TXNDC9: variants seen among roughly 807,000 people sequenced by gnomAD.
The protein encoded by TXNDC9 is thioredoxin domain containing 9.
In TXNDC9, 7 loss-of-function variants were observed where a neutral mutation model predicts 23.0. That is an observed-to-expected ratio of 0.30 (90% confidence interval 0.17 to 0.57). The LOEUF (loss-of-function observed/expected upper bound fraction) is 0.57. Among genes scored for constraint, TXNDC9 ranks in the 20% least tolerant of loss-of-function variants. The pLI is 0.90. For missense variants in TXNDC9, 198 were observed against 252.6 expected (o/e 0.78, Z 1.47); for synonymous variants, 72 against 90.6 (o/e 0.79, Z 1.17).
intron 3 of TXNDC9, among the ~76,000 whole-genome samples, chr2:99,326,574 T>G (rs1434323937): frequency 6.6e-6 from 1 of 152,248 alleles, no homozygotes; most frequent in Non-Finnish European, 1.5e-5. Flanking sequence ...TGGCAACTAA[T>G]CAAATCTGTG....
chr2:99,335,620 G>C (rs2094237277), intron 1 of TXNDC9, among the ~76,000 whole-genome samples: 1 of 152,184 alleles, frequency 6.6e-6, no homozygotes, highest in African/African-American at 2.4e-5. Flanking sequence ...CTCAGTGAGG[G>C]GGCTGGAAGG....
chr2:99,336,165 G>C (rs928708103), intron 1 of TXNDC9, 74 bp downstream of exon 1: 3 of 975,810 alleles, frequency 3.1e-6, no homozygotes, highest in African/African-American at 3.5e-5. Flanking sequence ...CCTCCGCTCC[G>C]GATGTGGAGC....
intron 3 of TXNDC9, among the ~76,000 whole-genome samples, chr2:99,323,094 A>G (rs865930015): frequency 1.3e-5 from 2 of 151,968 alleles, no homozygotes; most frequent in East Asian, 1.9e-4. Context: ...CCATCTTCCA[A>G]TGAAGACGGA....
rs992420918 is a variant in TXNDC9, at chr2:99,336,171, G to A, written c.-33+68C>T. 5 of 980,314 alleles carry A rather than the reference G, an allele frequency of 5.1e-6. No individual in the cohort carries two copies. In the African/African-American group the frequency reaches 7.0e-5, roughly 14 times the overall value. 60.7% of individuals were successfully genotyped at this position (980,314 alleles called of 1,614,324 possible). A position where few individuals can be genotyped will look rare whatever the true frequency, so the allele number is the denominator to read the frequency against. On this transcript the variant is annotated intron_variant, in intron 1 of 4. Transcript: ENST00000264255. ...CGCGCCCCTCCTCCGCTCCGGATGTGGAGCAGCAGAATGTTCACCAGCACC... is the reference window on the plus strand; with the variant it reads ...CGCGCCCCTCCTCCGCTCCGGATGTAGAGCAGCAGAATGTTCACCAGCACC...
At chr2:99,315,331 C>T (rs952444288), downstream of TXNDC9, among the ~76,000 whole-genome samples, 2 of 152,206 alleles carry the variant, frequency 1.3e-5, no homozygotes, top group Admixed American at 6.5e-5. Flanking sequence ...TCCCAAAGTG[C>T]TGGAATTACA....
At chr2:99,322,488 GTT>G in intron 3 of TXNDC9, 1 of 1,397,688 alleles carries the variant, frequency 7.2e-7, no homozygotes, top group Non-Finnish European at 9.4e-7. Flanking sequence ...CATAAAGGAA[GTT>G]GTCCTATCTC....
At chr2:99,310,813 C>G in the TXNDC9 span, among the ~76,000 whole-genome samples, 2 of 152,146 alleles carry the variant, frequency 1.3e-5, no homozygotes, top group African/African-American at 4.8e-5. Flanking sequence ...TTTTAAGCCA[C>G]CAACATTGTG....
At chr2:99,325,433 T>C (rs1162105540) in intron 3 of TXNDC9, among the ~76,000 whole-genome samples, 1 of 152,240 alleles carries the variant, frequency 6.6e-6, no homozygotes, top group East Asian at 1.9e-4. Context: ...CTGAAGATTA[T>C]TGTGAATGTT....
At chr2:99,311,259 G>C in the TXNDC9 span, among the ~76,000 whole-genome samples, 2 of 152,054 alleles carry the variant, frequency 1.3e-5, no homozygotes, top group Non-Finnish European at 1.5e-5. Flanking sequence ...TGTGGAGATG[G>C]GGTCTTCCTA....
the TXNDC9 span, among the ~76,000 whole-genome samples, chr2:99,307,024 T>TCCC: frequency 1.6e-5 from 1 of 63,720 alleles, no homozygotes; most frequent in Non-Finnish European, 3.5e-5. Flanking sequence ...CCTTCCTTCC[T>TCCC]TCCTTCTTCC....
chr2:99,317,211 C>G (rs149793941), downstream of TXNDC9, among the ~76,000 whole-genome samples: 388 of 152,184 alleles, frequency 2.5e-3, 2 homozygotes, highest in African/African-American at 9.0e-3. Context: ...ACCTATTGAC[C>G]CTCTCAGTTT....
the TXNDC9 span, among the ~76,000 whole-genome samples, chr2:99,309,160 C>A: frequency 1.8e-4 from 27 of 150,174 alleles, no homozygotes; most frequent in South Asian, 2.1e-4. Flanking sequence ...ATTGCTTGAG[C>A]CCTAGAGTTT....
At chr2:99,313,703 C>T in the TXNDC9 span, among the ~76,000 whole-genome samples, 1 of 152,166 alleles carries the variant, frequency 6.6e-6, no homozygotes, top group Non-Finnish European at 1.5e-5. Flanking sequence ...TATAGGTGGG[C>T]ATACAATGTT....
At chr2:99,310,075 A>G in the TXNDC9 span, among the ~76,000 whole-genome samples, 8 of 152,246 alleles carry the variant, frequency 5.3e-5, no homozygotes, top group Non-Finnish European at 1.5e-5. Flanking sequence ...ATGATTACTC[A>G]AAATAAAATA....
chr2:99,330,431 A>ATGC (rs1344393350), intron 2 of TXNDC9, among the ~76,000 whole-genome samples: 1 of 151,692 alleles, frequency 6.6e-6, no homozygotes, highest in Non-Finnish European at 1.5e-5. Flanking sequence ...ACCTCTACCA[A>ATGC]TGCTCAGGGC....
chr2:99,334,662 G>A (rs113409885), intron 1 of TXNDC9, among the ~76,000 whole-genome samples: 17 of 152,162 alleles, frequency 1.1e-4, no homozygotes, highest in African/African-American at 3.9e-4. Flanking sequence ...TGTGGCACAT[G>A]ACTATATATT....
downstream of TXNDC9, among the ~76,000 whole-genome samples, chr2:99,318,425 C>T (rs376699737): frequency 1.0e-3 from 157 of 151,618 alleles, no homozygotes; most frequent in African/African-American, 3.4e-3. Context: ...CCACCCACCT[C>T]GGCCTCCCAA....
chr2:99,321,449 G>A (rs1363265924), intron 4 of TXNDC9: 1 of 152,252 alleles, frequency 6.6e-6, no homozygotes, highest in Non-Finnish European at 1.5e-5. Context: ...ATGTAAGCTA[G>A]GCATAGAAAC....
At chr2:99,315,238 T>A (rs1007782104), downstream of TXNDC9, among the ~76,000 whole-genome samples, 4 of 151,902 alleles carry the variant, frequency 2.6e-5, no homozygotes, top group African/African-American at 9.7e-5. Context: ...AATTTTTTTT[T>A]TTATTTTTAG....
Sources: gnomAD v4.1 joint callset for allele counts (sites outside exome capture counted in the v4.1 genomes callset) on GRCh38, gnomAD v4.1.1 for gene constraint, MANE v1.5 for transcripts, NCBI Gene and HGNC (gene_info 2026-07-23, HGNC 2026-07-21) for gene names.